CACNG2: variants seen among roughly 807,000 people sequenced by gnomAD.
CACNG2 encodes voltage-dependent calcium channel gamma-2 subunit.
A neutral mutation model predicts 25.9 loss-of-function variants in CACNG2; 3 were observed. The observed-to-expected ratio is 0.12, with a 90% CI of 0.05 to 0.30. CACNG2 has a LOEUF of 0.30. Among genes scored for constraint, CACNG2 ranks in the 10% least tolerant of loss-of-function variants. The pLI, the probability that CACNG2 is intolerant of heterozygous loss-of-function variation, is 1.00. For synonymous variants in CACNG2, 167 were observed against 173.3 expected (o/e 0.96, Z 0.29); for missense variants, 341 against 432.5 (o/e 0.79, Z 1.88).
intron 1 of CACNG2, among the ~76,000 whole-genome samples, chr22:36,700,146 G>A (rs1937393429): frequency 6.6e-6 from 1 of 152,234 alleles, no homozygotes; most frequent in Admixed American, 6.5e-5. Context: ...TGTGCGCATC[G>A]CACAATCCTT....
chr22:36,702,162 C>T (rs903120732), intron 1 of CACNG2, among the ~76,000 whole-genome samples: 9 of 151,748 alleles, frequency 5.9e-5, no homozygotes, highest in Non-Finnish European at 1.0e-4. Context: ...GAGGGGGTGG[C>T]GGAGGCGAGG....
At chr22:36,697,399 C>T (rs1298067117) in intron 1 of CACNG2, among the ~76,000 whole-genome samples, 2 of 152,128 alleles carry the variant, frequency 1.3e-5, no homozygotes, top group Non-Finnish European at 2.9e-5. Flanking sequence ...GGGAGGCCAC[C>T]GTGGCTTGGG....
chr22:36,654,720 CA>C (rs1384170004), intron 1 of CACNG2, among the ~76,000 whole-genome samples: 1 of 152,180 alleles, frequency 6.6e-6, no homozygotes, highest in Non-Finnish European at 1.5e-5. Flanking sequence ...CAATTTAATT[CA>C]GACTTGCTAT....
chr22:36,574,137 G>A (rs964539458), intron 2 of CACNG2, among the ~76,000 whole-genome samples: 6 of 152,072 alleles, frequency 3.9e-5, no homozygotes, highest in Admixed American at 6.6e-5. Flanking sequence ...AGAGCAATGG[G>A]AAACTTTAAA....
At chr22:36,582,846 G>A (rs1935442030) in intron 2 of CACNG2, among the ~76,000 whole-genome samples, 1 of 151,836 alleles carries the variant, frequency 6.6e-6, no homozygotes, top group Non-Finnish European at 1.5e-5. Context: ...CAGACTGCAA[G>A]TACCCTGAGG....
intron 1 of CACNG2, among the ~76,000 whole-genome samples, chr22:36,701,068 C>T (rs1937405403): frequency 6.6e-6 from 1 of 152,150 alleles, no homozygotes; most frequent in African/African-American, 2.4e-5. Context: ...CTCTTCTCCC[C>T]CATCTCCTAG....
intron 1 of CACNG2, among the ~76,000 whole-genome samples, chr22:36,630,455 G>A (rs1369030345): frequency 6.6e-6 from 1 of 152,146 alleles, no homozygotes; most frequent in East Asian, 1.9e-4. Context: ...AGGAGGGGAA[G>A]AGCAATTTTG....
At chr22:36,632,405 T>C (rs762310154) in intron 1 of CACNG2, among the ~76,000 whole-genome samples, 12 of 151,962 alleles carry the variant, frequency 7.9e-5, no homozygotes, top group South Asian at 6.2e-4. Context: ...GTGAATTAAA[T>C]TGGGAAATTC....
chr22:36,634,191 C>T (rs969982535), intron 1 of CACNG2, among the ~76,000 whole-genome samples: 5 of 152,242 alleles, frequency 3.3e-5, no homozygotes, highest in Non-Finnish European at 7.3e-5. Flanking sequence ...TCCCTATAGT[C>T]TAGCACTCTG....
chr22:36,625,490 G>A (rs2267360), intron 1 of CACNG2, among the ~76,000 whole-genome samples: 80,059 of 151,958 alleles, frequency 0.53, 23,297 homozygotes, highest in Non-Finnish European at 0.64. Flanking sequence ...GGTCTAGATA[G>A]CACCCTCACA....
At chr22:36,642,304 CTG>C (rs747508947) in intron 1 of CACNG2, among the ~76,000 whole-genome samples, 3 of 152,196 alleles carry the variant, frequency 2.0e-5, no homozygotes, top group Non-Finnish European at 4.4e-5. Context: ...GGTTTGGAAA[CTG>C]TGTTAGCTGC....
rs531655037 is a variant in CACNG2, at chr22:36,568,535, G to A, written c.296-2042C>T. 3.3e-5 allele frequency among the ~76,000 whole-genome samples: 5 copies of A among 152,146 alleles called. No individual in the cohort carries two copies. In the South Asian group the frequency reaches 8.3e-4, roughly 25 times the overall value. On this transcript the variant is annotated intron_variant, in intron 2 of 3. Coordinates refer to ENST00000300105, the MANE Select transcript of CACNG2 (RefSeq NM_006078.5). ...TTCTCCTGCCTCAGCCTCCCAAGTA[G>A]GTGGGACTACAGGTGTGCGCCATCA...
intron 1 of CACNG2, among the ~76,000 whole-genome samples, chr22:36,677,874 G>A (rs1457867713): frequency 6.6e-6 from 1 of 152,180 alleles, no homozygotes; most frequent in Non-Finnish European, 1.5e-5. Flanking sequence ...TAGCCAATAG[G>A]AGTTCAGCTG....
At chr22:36,596,225 T>C (rs1345418713) in intron 1 of CACNG2, among the ~76,000 whole-genome samples, 3 of 152,196 alleles carry the variant, frequency 2.0e-5, no homozygotes, top group Non-Finnish European at 4.4e-5. Flanking sequence ...GCTTTCTCTG[T>C]GTTTTCAACC....
intron 1 of CACNG2, among the ~76,000 whole-genome samples, chr22:36,642,562 A>G (rs1247579551): frequency 1.3e-5 from 2 of 152,216 alleles, no homozygotes; most frequent in Non-Finnish European, 2.9e-5. Flanking sequence ...TTTCTATTGC[A>G]TCAGTAAAGC....
intron 1 of CACNG2, among the ~76,000 whole-genome samples, chr22:36,588,634 GC>G (rs1348172243): frequency 1.3e-5 from 2 of 152,212 alleles, no homozygotes; most frequent in Admixed American, 1.3e-4. Flanking sequence ...CAGCCAGACT[GC>G]CTGGGTCCAG....
intron 1 of CACNG2, among the ~76,000 whole-genome samples, chr22:36,701,499 G>T (rs1011410117): frequency 2.6e-5 from 4 of 151,928 alleles, no homozygotes; most frequent in African/African-American, 9.7e-5. Flanking sequence ...AAGGCAAAGA[G>T]CTGACACCCC....
intron 1 of CACNG2, among the ~76,000 whole-genome samples, chr22:36,644,752 C>T (rs930177067): frequency 6.6e-6 from 1 of 152,152 alleles, no homozygotes; most frequent in Non-Finnish European, 1.5e-5. Context: ...AAATGAGTTA[C>T]TAAGTGCTTA....
At chr22:36,655,270 T>C (rs746932112) in intron 1 of CACNG2, among the ~76,000 whole-genome samples, 4 of 152,188 alleles carry the variant, frequency 2.6e-5, no homozygotes, top group Admixed American at 6.5e-5. Flanking sequence ...CTACTGGGCT[T>C]ATGGCAAAAT....
Sources: gnomAD v4.1 joint callset for allele counts (sites outside exome capture counted in the v4.1 genomes callset) on GRCh38, gnomAD v4.1.1 for gene constraint, MANE v1.5 for transcripts, NCBI Gene and HGNC (gene_info 2026-07-23, HGNC 2026-07-21) for gene names.